SGCD: variants seen among roughly 807,000 people sequenced by gnomAD.
The protein encoded by SGCD is delta-sarcoglycan.
Under a neutral mutation model 36.6 loss-of-function variants are expected in SGCD, and 18 were observed. The observed-to-expected ratio is 0.49, with a 90% CI of 0.34 to 0.73. SGCD has a LOEUF of 0.73. Ranked by LOEUF, SGCD falls within the 30% of genes least tolerant of loss-of-function variation. SGCD has a pLI of 0.01. For synonymous variants in SGCD, 133 were observed against 130.6 expected, an observed-to-expected ratio of 1.02 and a Z score of -0.12; for missense variants, 387 against 346.7, an observed-to-expected ratio of 1.12 and a Z score of -0.92.
At chr5:156,461,619 G>A (rs1012624597) in intron 3 of SGCD, among the ~76,000 whole-genome samples, 10 of 150,990 alleles carry the variant, frequency 6.6e-5, no homozygotes, top group African/African-American at 2.0e-4. Flanking sequence ...TTTTTTTCTC[G>A]GGTCCTTTCC....
At chr5:156,086,578 G>A (rs937208225) in intron 1 of SGCD, among the ~76,000 whole-genome samples, 9 of 152,178 alleles carry the variant, frequency 5.9e-5, no homozygotes, top group African/African-American at 2.2e-4. Flanking sequence ...GAATGGGCTG[G>A]CATCATACCA....
intron 7 of SGCD, among the ~76,000 whole-genome samples, chr5:156,676,967 C>T (rs901407169): frequency 6.6e-6 from 1 of 152,154 alleles, no homozygotes; most frequent in African/African-American, 2.4e-5. Context: ...GCAAGGTGAT[C>T]AGCATTTATT....
At chr5:156,223,171 T>C (rs1764761451) in intron 3 of SGCD, among the ~76,000 whole-genome samples, 2 of 152,108 alleles carry the variant, frequency 1.3e-5, no homozygotes, top group South Asian at 2.1e-4. Context: ...AGAGACAGAA[T>C]TGATAAAGTT....
At chr5:155,775,630 G>A in the SGCD span, among the ~76,000 whole-genome samples, 1 of 152,050 alleles carries the variant, frequency 6.6e-6, no homozygotes, top group South Asian at 2.1e-4. Flanking sequence ...AAAAAGACAG[G>A]CAACTATCAC....
rs529699494 is a variant in SGCD at position 156,141,219 on chromosome 5, C to A, written c.-44+17200C>A. Among the ~76,000 whole-genome samples, 19 of 152,356 alleles carry A rather than the reference C, an allele frequency of 1.2e-4. No individual in the cohort carries two copies. The East Asian group carries it at 3.5e-3, about 28-fold the overall frequency. On this transcript the variant is annotated intron_variant, in intron 3 of 9. Coordinates refer to the SGCD transcript ENST00000517913. ...GTCTCAGGACCCAGGCAGAGAATTG[C>A]CACAGGGGCGGGAAGGCAAGAGCGT...
intron 4 of SGCD, among the ~76,000 whole-genome samples, chr5:156,536,730 G>A (rs146904714): frequency 6.4e-4 from 98 of 152,170 alleles, no homozygotes; most frequent in Non-Finnish European, 1.2e-3. Context: ...AATTCTGGTG[G>A]CTCATTAAGA....
intron 3 of SGCD, among the ~76,000 whole-genome samples, chr5:156,314,550 C>T (rs768811402): frequency 1.3e-5 from 2 of 152,156 alleles, no homozygotes; most frequent in Middle Eastern, 3.4e-3. Flanking sequence ...AGTGTCTACT[C>T]CAGCCTAGGC....
At chr5:155,731,864 C>G in the SGCD span, among the ~76,000 whole-genome samples, 1 of 152,204 alleles carries the variant, frequency 6.6e-6, no homozygotes, top group African/African-American at 2.4e-5. Context: ...GTCCCTGAAC[C>G]AGGCTTTGAT....
intron 2 of SGCD, among the ~76,000 whole-genome samples, chr5:156,333,821 G>A (rs1484940907): frequency 3.9e-5 from 1 of 25,432 alleles, no homozygotes; most frequent in African/African-American, 1.6e-4. Flanking sequence ...TTTTTTTTTT[G>A]CTATTTGTCT....
At chr5:156,454,277 G>C (rs1163208142) in intron 3 of SGCD, among the ~76,000 whole-genome samples, 4 of 152,162 alleles carry the variant, frequency 2.6e-5, no homozygotes, top group Non-Finnish European at 5.9e-5. Flanking sequence ...TGTTATATCA[G>C]TGAGGGTCCA....
intron 1 of SGCD, among the ~76,000 whole-genome samples, chr5:156,079,010 G>A (rs1760875897): frequency 1.4e-5 from 2 of 140,922 alleles, no homozygotes; most frequent in South Asian, 2.2e-4. Context: ...CTGAGACTGG[G>A]TAATTTGTAA....
At chr5:156,648,906 C>A (rs1763342607) in intron 7 of SGCD, among the ~76,000 whole-genome samples, 1 of 152,118 alleles carries the variant, frequency 6.6e-6, no homozygotes, top group South Asian at 2.1e-4. Flanking sequence ...TTGAGACAAG[C>A]TAATCAGTGG....
intron 1 of SGCD, among the ~76,000 whole-genome samples, chr5:156,044,859 T>C (rs530000708): frequency 7.9e-5 from 12 of 152,152 alleles, no homozygotes; most frequent in African/African-American, 2.9e-4. Flanking sequence ...CACACACACA[T>C]GTTTTACATA....
intron 3 of SGCD, among the ~76,000 whole-genome samples, chr5:156,138,059 A>G (rs551852409): frequency 6.6e-6 from 1 of 152,226 alleles, no homozygotes; most frequent in South Asian, 2.1e-4. Flanking sequence ...TTCAGTCGTG[A>G]TATTTTCCTC....
chr5:156,610,260 C>G (rs2113456668), intron 6 of SGCD, among the ~76,000 whole-genome samples: 1 of 152,298 alleles, frequency 6.6e-6, no homozygotes, highest in South Asian at 2.1e-4. Context: ...TTCCTTCTAA[C>G]AGTCAGGACC....
chr5:155,974,561 C>T (rs1758071666), intron 1 of SGCD, among the ~76,000 whole-genome samples: 2 of 149,060 alleles, frequency 1.3e-5, no homozygotes, highest in African/African-American at 4.9e-5. Context: ...GTAGCAGTGA[C>T]CATGTAGTCA....
intron 4 of SGCD, among the ~76,000 whole-genome samples, chr5:156,556,051 GTTTA>G (rs1194977222): frequency 1.4e-5 from 2 of 146,668 alleles, no homozygotes; most frequent in Non-Finnish European, 3.0e-5. Context: ...CATATCACAT[GTTTA>G]TTTAATTGTC....
chr5:156,699,746 A>G (rs1259474745), intron 7 of SGCD, among the ~76,000 whole-genome samples: 1 of 151,050 alleles, frequency 6.6e-6, no homozygotes, highest in African/African-American at 2.4e-5. Flanking sequence ...ACTCACTTGT[A>G]CTTCCTGAAA....
chr5:156,331,706 C>A (rs929093499), intron 2 of SGCD, among the ~76,000 whole-genome samples: 14 of 145,906 alleles, frequency 9.6e-5, no homozygotes, highest in African/African-American at 3.3e-4. Context: ...ACATATTCAG[C>A]CACTGAAACT....
Sources: allele counts gnomAD v4.1 joint callset (sites outside exome capture counted in the v4.1 genomes callset), GRCh38; gene constraint gnomAD v4.1.1; transcripts MANE v1.5; gene names NCBI Gene and HGNC (gene_info 2026-07-23, HGNC 2026-07-21).